EIF4B: variants seen among roughly 807,000 people sequenced by gnomAD.
EIF4B encodes the protein eukaryotic translation initiation factor 4B.
Under a neutral mutation model 79.3 loss-of-function variants are expected in EIF4B, and 8 were observed. The ratio of observed to expected loss-of-function variants is 0.10; its 90% CI spans 0.06 to 0.18. The LOEUF (loss-of-function observed/expected upper bound fraction) is 0.18. Among genes scored for constraint, EIF4B ranks in the 10% least tolerant of loss-of-function variants. EIF4B has a pLI of 1.00. For missense variants in EIF4B, 515 were observed against 792.4 expected, an observed-to-expected ratio of 0.65 and a Z score of 4.20; for synonymous variants, 238 against 274.7, an observed-to-expected ratio of 0.87 and a Z score of 1.32.
intron 3 of EIF4B, 36 bp from the exon 4 acceptor site, chr12:53,019,874 G>C (rs778086137): frequency 4.4e-6 from 7 of 1,588,890 alleles, no homozygotes; most frequent in Non-Finnish European, 6.0e-6. Context: ...GAAGAAGAAT[G>C]CTGGGAAACT....
intron 1 of EIF4B, among the ~76,000 whole-genome samples, chr12:53,012,667 A>G (rs944234613): frequency 8.4e-5 from 12 of 142,336 alleles, no homozygotes; most frequent in East Asian, 6.3e-4. Context: ...GTGCAGTGGC[A>G]CGATCTCAGC....
At chr12:53,036,619 C>T (rs1410541133) in intron 10 of EIF4B, among the ~76,000 whole-genome samples, 1 of 151,816 alleles carries the variant, frequency 6.6e-6, no homozygotes, top group Non-Finnish European at 1.5e-5. Context: ...TCACTACACT[C>T]CCCAGGCTGG....
chr12:53,038,102 C>G (rs979089915), intron 11 of EIF4B: 3 of 299,280 alleles, frequency 1.0e-5, no homozygotes, highest in Middle Eastern at 1.0e-3. Context: ...GCCTGGGCGA[C>G]AGAGTTAAGA....
chr12:53,008,812 G>A (rs1228999077), intron 1 of EIF4B, among the ~76,000 whole-genome samples: 3 of 152,084 alleles, frequency 2.0e-5, no homozygotes, highest in Admixed American at 6.6e-5. Context: ...CGAGGCGGGC[G>A]GATCACTAGG....
chr12:53,039,660 A>G lies in EIF4B; in HGVS notation c.1713A>G (p.Arg571=), dbSNP rs762950229. 35 of 1,613,758 alleles carry G rather than the reference A, an allele frequency of 2.2e-5. No individual in the cohort carries two copies. The highest frequency in any genetic ancestry group is 4.0e-5 in the African/African-American group (3 of 74,906). ...RKDGKKDQDS[R]SAPEPKKPEE... is the part of the protein sequence containing the mutation. ...ATGGCAAAAAGGATCAAGACTCCAG[A>G]TCTGCACCTGAGCCAAAGAAACCTG... is the stretch of plus-strand genomic sequence containing the variant. The change falls in exon 14 of 15, where the codon AGA becomes AGG. Residue 571 remains arginine, a synonymous_variant. Transcript: ENST00000262056.
At chr12:53,020,977 TGTG>T (rs1315759268) in intron 4 of EIF4B, among the ~76,000 whole-genome samples, 4 of 152,214 alleles carry the variant, frequency 2.6e-5, no homozygotes, top group Non-Finnish European at 4.4e-5. Flanking sequence ...AATATATTGT[TGTG>T]GTCCATAGTT....
At chr12:53,028,556 C>CAA (rs781283142) in intron 8 of EIF4B, among the ~76,000 whole-genome samples, 3 of 74,904 alleles carry the variant, frequency 4.0e-5, no homozygotes, top group Non-Finnish European at 5.5e-5. Context: ...CTCCCCATCT[C>CAA]AAAAAAAAAA....
intron 2 of EIF4B, 126 bp downstream of exon 2, chr12:53,016,736 C>G: frequency 7.5e-7 from 1 of 1,329,802 alleles, no homozygotes; most frequent in South Asian, 1.6e-5. Flanking sequence ...TGAAATCTTA[C>G]ATATTTTATA....
chr12:53,019,437 A>ATATTTTTTTTTTCTTTTT (rs1943205076), intron 3 of EIF4B, among the ~76,000 whole-genome samples: 4 of 51,026 alleles, frequency 7.8e-5, no homozygotes, highest in East Asian at 6.5e-4. Context: ...ATATATATAT[A>ATATTTTTTTTTTCTTTTT]TTTTTTTTTT....
chr12:53,027,137 A>ATTTTTTTTTTTTTTTTTT (rs71095967), intron 6 of EIF4B, among the ~76,000 whole-genome samples: 21 of 25,718 alleles, frequency 8.2e-4, no homozygotes, highest in Non-Finnish European at 1.1e-3. Context: ...AAAAAAAAAA[A>ATTTTTTTTTTTTTTTTTT]TTTTTTTTTT....
chr12:53,017,123 T>C (rs901343014), intron 2 of EIF4B, among the ~76,000 whole-genome samples: 3 of 152,000 alleles, frequency 2.0e-5, no homozygotes, highest in African/African-American at 7.3e-5. Context: ...CGTGGTGGCA[T>C]GTGCCTGTAA....
rs114818686 is a variant in EIF4B at position 53,029,177 on chromosome 12, A to G, written c.979+989A>G. 2.5e-3 allele frequency among the ~76,000 whole-genome samples: 378 copies of G among 152,114 alleles called. 4 individuals carry two copies. The highest frequency in any genetic ancestry group is 8.5e-3 in the African/African-American group (351 of 41,528). On this transcript the variant is annotated intron_variant, in intron 8 of 14. Transcript: ENST00000262056. Reference sequence around the variant, plus strand: ...TATACCACAATAATTGATGTTCATTAATTATAAAGGTGAGATTTTGGTGCA... The same window carrying G: ...TATACCACAATAATTGATGTTCATTGATTATAAAGGTGAGATTTTGGTGCA...
intron 8 of EIF4B, among the ~76,000 whole-genome samples, chr12:53,033,499 C>T (rs929780518): frequency 6.6e-6 from 1 of 151,732 alleles, no homozygotes; most frequent in Non-Finnish European, 1.5e-5. Flanking sequence ...CGCGCCCCAA[C>T]GCCCAGCTAA....
intron 12 of EIF4B, chr12:53,038,944 G>A (rs903682139): frequency 2.9e-5 from 7 of 243,734 alleles, no homozygotes; most frequent in African/African-American, 1.1e-4. Context: ...GAAAAAAATC[G>A]GAAGGAAATT....
Position 53,040,809 on chromosome 12 carries a change from A to AG in EIF4B, c.*592dup, listed in dbSNP as rs1040638254. 7.0e-5 allele frequency: 10 copies of AG among 143,150 alleles called. No homozygotes were observed. Among genetic ancestry groups the AG allele is most frequent in the Admixed American group, 4.9e-4 (7 of 14,226 alleles). The allele number at this position is 143,150 out of a possible 1,614,324, so 8.9% of individuals were successfully genotyped here. A position where few individuals can be genotyped will look rare whatever the true frequency, so the allele number is the denominator to read the frequency against. On this transcript the variant is annotated 3_prime_UTR_variant, in exon 15 of 15. Transcript: ENST00000262056. ...ATTCCTTTTTTTTTTTTAACCCCCC[A>AG]GGGGGGTAGTTGGGAGTGAGACTAT...
At chr12:53,022,030 G>T (rs1390866939) in intron 5 of EIF4B, 170 bp downstream of exon 5, 7 of 742,660 alleles carry the variant, frequency 9.4e-6, no homozygotes, top group Non-Finnish European at 1.3e-5. Flanking sequence ...TGAAGACATT[G>T]TAGTTGTCAC....
chr12:53,034,606 G>C lies in EIF4B; in HGVS notation c.1209-6G>C. The C allele has an allele frequency of 6.2e-7, 1 of 1,613,932 alleles. No homozygotes were observed. Among genetic ancestry groups the C allele is most frequent in the Non-Finnish European group, 8.5e-7 (1 of 1,179,864 alleles). On this transcript the variant is annotated splice_polypyrimidine_tract_variant and splice_region_variant and intron_variant, in intron 9 of 14. Transcript: ENST00000262056. ...ATAATGTGTATTTTGTGAATCTCTC[G>C]TACAGACACCCAAGCTGGCGAAGTG...
rs1943557992 is a variant in EIF4B at position 53,037,452 on chromosome 12, A to C, written c.1350A>C (p.Thr450=). The part of the protein sequence containing the change: ...RESEKSLENE[T]LNKEEDCHSP... ...GTGAGAAGTCTCTAGAAAATGAAAC[A>C]CTCAATAAGGAGGAAGATTGCCACT... Residue 450 remains threonine (T), a synonymous_variant, in exon 11 of 15, where the codon ACA becomes ACC. Coordinates refer to ENST00000262056, the MANE Select transcript of EIF4B (RefSeq NM_001417.7). 1.2e-6 allele frequency: 2 copies of C among 1,613,046 alleles called. No homozygotes were observed. Among genetic ancestry groups the C allele is most frequent in the African/African-American group, 2.7e-5 (2 of 74,876 alleles).
chr12:53,019,435 A>AT (rs759250282), intron 3 of EIF4B, among the ~76,000 whole-genome samples: 8 of 39,464 alleles, frequency 2.0e-4, no homozygotes, highest in African/African-American at 4.0e-4. Flanking sequence ...ATATATATAT[A>AT]TATTTTTTTT....
Sources: allele counts gnomAD v4.1 joint callset (sites outside exome capture counted in the v4.1 genomes callset), GRCh38; gene constraint gnomAD v4.1.1; transcripts MANE v1.5; gene names NCBI Gene and HGNC (gene_info 2026-07-23, HGNC 2026-07-21).